Variants in ANKFN1 observed in about 807,000 individuals in gnomAD.
ANKFN1 encodes the protein ankyrin repeat and fibronectin type-III domain-containing protein 1.
In ANKFN1, 74 loss-of-function variants were observed where a neutral mutation model predicts 108.7. That is an observed-to-expected ratio of 0.68 (90% CI 0.56 to 0.83). ANKFN1 has a LOEUF of 0.83. ANKFN1 is among the 40% of genes least tolerant of loss of function. ANKFN1 has a pLI of 0.00. For missense variants in ANKFN1, 1,505 were observed against 1,382.3 expected (o/e 1.09, Z -1.41); for synonymous variants, 547 against 516.2 (o/e 1.06, Z -0.81).
rs894569405 is a variant in ANKFN1, at chr17:56,098,631, C to G, written c.288+52306C>G. Among the ~76,000 whole-genome samples the G allele has an allele frequency of 3.9e-5, 6 of 152,230 alleles. No individual in the cohort carries two copies. In the East Asian group the frequency reaches 1.2e-3, roughly 29 times the overall value. On this transcript the variant is annotated intron_variant, in intron 4 of 12. Coordinates refer to the ANKFN1 transcript ENST00000635860. ...TATATCTCCAGAACCTAGAAAAGCA[C>G]TTGGATCAAAGTGAAAGCTCTCTAA...
intron 4 of ANKFN1, among the ~76,000 whole-genome samples, chr17:56,145,228 G>T (rs1214204473): frequency 6.6e-6 from 1 of 152,204 alleles, no homozygotes; most frequent in African/African-American, 2.4e-5. Context: ...GAAATTAAAG[G>T]ATCTTTCCCT....
intron 3 of ANKFN1, among the ~76,000 whole-genome samples, chr17:56,302,211 A>C (rs967287123): frequency 2.6e-5 from 4 of 152,206 alleles, no homozygotes; most frequent in Admixed American, 2.6e-4. Flanking sequence ...CTGGAATTCA[A>C]ACACAAGTCT....
At chr17:56,500,552 A>G (rs1006659862) in intron 20 of ANKFN1, among the ~76,000 whole-genome samples, 1 of 152,232 alleles carries the variant, frequency 6.6e-6, no homozygotes, top group Admixed American at 6.5e-5. Flanking sequence ...CCTGCTATGA[A>G]GTTATCAGTA....
chr17:56,429,396 AT>A (rs2048679837), intron 8 of ANKFN1, among the ~76,000 whole-genome samples: 1 of 152,230 alleles, frequency 6.6e-6, no homozygotes, highest in African/African-American at 2.4e-5. Flanking sequence ...GATAGTAAAT[AT>A]TTTAGGCTTT....
chr17:56,050,298 T>A (rs1236454118), intron 4 of ANKFN1, among the ~76,000 whole-genome samples: 1 of 149,968 alleles, frequency 6.7e-6, no homozygotes, highest in Non-Finnish European at 1.5e-5. Context: ...ATTAGCCCTT[T>A]GTCAGATGAG....
At chr17:56,082,805 G>A (rs79331640) in intron 4 of ANKFN1, among the ~76,000 whole-genome samples, 2,409 of 152,158 alleles carry the variant, frequency 0.016, 33 homozygotes, top group South Asian at 0.034. Flanking sequence ...TAGATGTACC[G>A]TTCAGTGAAC....
intron 8 of ANKFN1, among the ~76,000 whole-genome samples, chr17:56,416,902 G>A (rs1222872010): frequency 1.3e-5 from 2 of 152,196 alleles, no homozygotes; most frequent in African/African-American, 2.4e-5. Flanking sequence ...CCTGTCATTT[G>A]CAACAACATG....
intron 8 of ANKFN1, among the ~76,000 whole-genome samples, chr17:56,416,753 C>T (rs1005332073): frequency 8.5e-5 from 13 of 152,310 alleles, no homozygotes; most frequent in African/African-American, 3.1e-4. Flanking sequence ...GATATGTGCA[C>T]TCCCATGCTT....
chr17:56,509,098 A>G (rs950705652), intron 20 of ANKFN1, among the ~76,000 whole-genome samples: 1 of 152,238 alleles, frequency 6.6e-6, no homozygotes, highest in Non-Finnish European at 1.5e-5. Flanking sequence ...TATTTAAAGA[A>G]CATATAAATT....
intron 14 of ANKFN1, among the ~76,000 whole-genome samples, chr17:56,458,846 T>C (rs1375621451): frequency 6.6e-6 from 1 of 152,144 alleles, no homozygotes; most frequent in Non-Finnish European, 1.5e-5. Flanking sequence ...GCCATGTAGG[T>C]CACAGCATAA....
intron 3 of ANKFN1, among the ~76,000 whole-genome samples, chr17:56,321,947 C>T (rs533474545): frequency 6.6e-6 from 1 of 152,320 alleles, no homozygotes; most frequent in Admixed American, 6.5e-5. Context: ...CAGACTCTCA[C>T]ATTTCATGGA....
At chr17:56,386,514 A>C (rs146954456) in intron 8 of ANKFN1, among the ~76,000 whole-genome samples, 249 of 151,346 alleles carry the variant, frequency 1.6e-3, no homozygotes, top group African/African-American at 5.3e-3. Flanking sequence ...AAAAACTTTA[A>C]TTGGCTGCTT....
intron 1 of ANKFN1, among the ~76,000 whole-genome samples, chr17:56,199,902 T>A (rs1034176835): frequency 3.9e-5 from 6 of 152,218 alleles, no homozygotes; most frequent in Admixed American, 1.3e-4. Flanking sequence ...CCAGTTCCAG[T>A]TCCTAAGCCA....
upstream of ANKFN1, among the ~76,000 whole-genome samples, chr17:56,152,260 ATATGTGTGTG>A (rs60861279): frequency 0.26 from 33,757 of 128,018 alleles, 4,586 homozygotes; most frequent in East Asian, 0.49. Context: ...ATATATATAT[ATATGTGTGTG>A]TGTGTGTGTG....
intron 7 of ANKFN1, 21 bp from the exon 8 acceptor site, chr17:56,374,580 G>C: frequency 6.4e-7 from 1 of 1,558,292 alleles, no homozygotes; most frequent in Non-Finnish European, 8.8e-7. Context: ...TAAGATCCTT[G>C]TGTTTTTCCT....
chr17:56,435,282 T>C (rs963766746), intron 8 of ANKFN1, among the ~76,000 whole-genome samples: 6 of 152,212 alleles, frequency 3.9e-5, no homozygotes, highest in Admixed American at 1.3e-4. Context: ...GGTGCTATGA[T>C]AGGTGCTTTG....
chr17:56,222,041 A>G (rs924918300), intron 2 of ANKFN1, among the ~76,000 whole-genome samples: 1 of 152,212 alleles, frequency 6.6e-6, no homozygotes, highest in Non-Finnish European at 1.5e-5. Flanking sequence ...TCTGCTTTTT[A>G]TCAGGGTCTC....
At chr17:56,082,380 A>G (rs12935911) in intron 4 of ANKFN1, among the ~76,000 whole-genome samples, 74,283 of 151,014 alleles carry the variant, frequency 0.49, 20,300 homozygotes, top group Non-Finnish European at 0.63. Context: ...CACGGGCTCT[A>G]TTGTCAGATG....
At chr17:56,097,576 G>A (rs996102784) in intron 4 of ANKFN1, among the ~76,000 whole-genome samples, 2 of 152,228 alleles carry the variant, frequency 1.3e-5, no homozygotes, top group African/African-American at 4.8e-5. Context: ...TGGTCTGTTA[G>A]GGTGGAGTTT....
Sources: gnomAD v4.1 joint callset for allele counts (sites outside exome capture counted in the v4.1 genomes callset) on GRCh38, gnomAD v4.1.1 for gene constraint, MANE v1.5 for transcripts, NCBI Gene and HGNC (gene_info 2026-07-23, HGNC 2026-07-21) for gene names.